LYST: variants seen among roughly 807,000 people sequenced by gnomAD.
The protein encoded by LYST is lysosomal trafficking regulator.
LYST carries 192 observed loss-of-function variants against 413.6 expected under a neutral mutation model. The ratio of observed to expected loss-of-function variants is 0.46; its 90% CI spans 0.41 to 0.52. LYST has a LOEUF of 0.52. LYST is among the 20% of genes least tolerant of loss of function. The pLI, the probability that LYST is intolerant of heterozygous loss-of-function variation, is 0.00. For synonymous variants in LYST, 1,525 were observed against 1,567.3 expected (o/e 0.97, Z 0.64); for missense variants, 3,815 against 4,499.9 (o/e 0.85, Z 4.35).
At position 235,752,073 on chromosome 1, in the gene LYST, A is replaced by C; in HGVS notation, c.7559T>G (p.Phe2520Cys). 6.2e-7 allele frequency: 1 copy of C among 1,610,918 alleles called. No individual in the cohort carries two copies. Among genetic ancestry groups the C allele is most frequent in the South Asian group, 1.1e-5 (1 of 90,990 alleles). The stretch of plus-strand genomic sequence containing the variant: ...TACAATAAGGTCTTCAATAACCCTA[A>C]AATATTGTGAGCCTGAGGAACTGCA... Reference protein sequence around the residue: ...HACSSSGSQYFRVIEDLIVML... With the variant: ...HACSSSGSQYCRVIEDLIVML... Residue 2520 changes from phenylalanine to cysteine, a missense_variant, in exon 27 of 53, where the codon TTT (phenylalanine) becomes TGT (cysteine). By Grantham distance (205) the Phe-to-Cys change is radical. This residue lies in a region of LYST where 771 missense variants were observed against 837.1 expected (regional missense o/e 0.92). Transcript: ENST00000389793.
intron 3 of LYST, 125 bp downstream of exon 3, chr1:235,830,101 T>C (rs769715344): frequency 2.8e-4 from 190 of 690,606 alleles, no homozygotes; most frequent in Non-Finnish European, 4.2e-4. Flanking sequence ...TTTTTTTTAG[T>C]GGAATAATGT....
At chr1:235,694,953 T>C (rs1660965524) in intron 46 of LYST, among the ~76,000 whole-genome samples, 1 of 152,224 alleles carries the variant, frequency 6.6e-6, no homozygotes. Context: ...AAGCTTGGAC[T>C]CAAGCCCCAG....
In LYST at chr1:235,759,615, A is replaced by G; in HGVS notation, c.6254-16T>C. On this transcript the variant is annotated splice_polypyrimidine_tract_variant and intron_variant, in intron 22 of 52. Transcript: ENST00000389793. ...GAATTCTCTCCTGGTAAGAGTAGAT[A>G]CAAAAATACTACTTAAAAATCTATT... is the stretch of plus-strand genomic sequence containing the variant. The G allele has an allele frequency of 6.3e-7, 1 of 1,596,502 alleles. No homozygotes were observed. The highest frequency in any genetic ancestry group is 8.6e-7 in the Non-Finnish European group (1 of 1,164,340).
chr1:235,768,878 A>G (rs550229349), intron 20 of LYST, among the ~76,000 whole-genome samples: 2 of 152,232 alleles, frequency 1.3e-5, no homozygotes, highest in South Asian at 4.1e-4. Context: ...GACATATTCT[A>G]TTCCCTACAA....
chr1:235,738,412 T>C (rs1572109542), intron 31 of LYST: 1 of 1,613,548 alleles, frequency 6.2e-7, no homozygotes, highest in Non-Finnish European at 8.5e-7. Context: ...TTGTTTCAAA[T>C]CCAGTGGATA....
At chr1:235,828,491 T>C (rs1675581924) in intron 3 of LYST, among the ~76,000 whole-genome samples, 1 of 152,198 alleles carries the variant, frequency 6.6e-6, no homozygotes. Context: ...TGGGATTAAA[T>C]TGGGATCTAT....
chr1:235,684,644 C>T (rs1250615118), intron 48 of LYST, among the ~76,000 whole-genome samples: 1 of 152,158 alleles, frequency 6.6e-6, no homozygotes, highest in Non-Finnish European at 1.5e-5. Context: ...TCAGTCAGGT[C>T]TCACTCTGCC....
chr1:235,741,921 T>C (rs137893490), intron 30 of LYST, among the ~76,000 whole-genome samples: 78 of 152,296 alleles, frequency 5.1e-4, no homozygotes, highest in African/African-American at 1.8e-3. Flanking sequence ...TGGAATATTA[T>C]TCATCCTTAA....
chr1:235,830,071 T>C (rs1572393179), intron 3 of LYST, 155 bp downstream of exon 3: 4 of 614,848 alleles, frequency 6.5e-6, no homozygotes, highest in Non-Finnish European at 8.6e-6. Context: ...ATAAACAATA[T>C]GGTTATAAAT....
chr1:235,778,121 A>ATATATATATATATATATATATATATTTT (rs1039912155), intron 16 of LYST, among the ~76,000 whole-genome samples: 2 of 145,260 alleles, frequency 1.4e-5, no homozygotes, highest in African/African-American at 5.3e-5. Flanking sequence ...ATATATATAT[A>ATATATATATATATATATATATATATTTT]TTTTTGTAGA....
chr1:235,796,136 T>C (rs1270393500), intron 10 of LYST, among the ~76,000 whole-genome samples: 1 of 151,946 alleles, frequency 6.6e-6, no homozygotes, highest in East Asian at 1.9e-4. Flanking sequence ...AGATAACAAT[T>C]AGAATACAAA....
chr1:235,801,217 T>G, intron 8 of LYST, 120 bp from the exon 9 acceptor site: 3 of 684,734 alleles, frequency 4.4e-6, no homozygotes, highest in Non-Finnish European at 7.8e-6. Context: ...TTACAAAACC[T>G]TTTCCAATCT....
chr1:235,793,655 T>C (rs757985092), intron 10 of LYST, 43 bp from the exon 11 acceptor site: 3 of 1,012,592 alleles, frequency 3.0e-6, no homozygotes, highest in Non-Finnish European at 4.7e-6. Context: ...TAGTACACAA[T>C]TAGAGGAATA....
At chr1:235,676,727 G>T (rs1358503682) in intron 50 of LYST, among the ~76,000 whole-genome samples, 1 of 152,118 alleles carries the variant, frequency 6.6e-6, no homozygotes, top group Non-Finnish European at 1.5e-5. Flanking sequence ...TTCTTTCACA[G>T]GAGGAAGGTA....
At chr1:235,857,440 T>C (rs1277611399) in intron 1 of LYST, among the ~76,000 whole-genome samples, 1 of 152,076 alleles carries the variant, frequency 6.6e-6, no homozygotes, top group East Asian at 1.9e-4. Context: ...TCTAGATTCA[T>C]CTCTAGATGA....
chr1:235,860,970 T>G (rs1247916135), intron 1 of LYST, among the ~76,000 whole-genome samples: 1 of 152,344 alleles, frequency 6.6e-6, no homozygotes, highest in African/African-American at 2.4e-5. Flanking sequence ...CTTTTTGGTC[T>G]GGCTTTTTTT....
At chr1:235,871,432 CTAAT>C (rs1680918784), upstream of LYST, among the ~76,000 whole-genome samples, 1 of 152,154 alleles carries the variant, frequency 6.6e-6, no homozygotes, top group Non-Finnish European at 1.5e-5. Context: ...ATGCTAATAA[CTAAT>C]TAAAGACCCA....
intron 1 of LYST, among the ~76,000 whole-genome samples, chr1:235,834,275 C>T (rs1359883221): frequency 1.3e-5 from 2 of 152,068 alleles, no homozygotes; most frequent in African/African-American, 2.4e-5. Context: ...CTTTAGTTAC[C>T]TGCTCTCCCC....
chr1:235,720,881 T>C lies in LYST; in HGVS notation c.9340A>G (p.Ile3114Val). Residue 3114 changes from isoleucine (I) to valine (V), a missense_variant, in exon 40 of 53, where the codon ATA (isoleucine) becomes GTA (valine). Coordinates refer to ENST00000389793, the MANE Select transcript of LYST (RefSeq NM_000081.4). ...AGATTAGGGAGGTTATTTGTGAGTA[T>C]ATTGTGGTATACATCATCACGAACC... is the stretch of plus-strand genomic sequence containing the variant. ...TKVRDDVYHN[I>V]LTNNLPNLLE... is the part of the protein sequence containing the mutation. The C allele has an allele frequency of 1.2e-6, 2 of 1,613,730 alleles. No individual in the cohort carries two copies. Among genetic ancestry groups the C allele is most frequent in the Non-Finnish European group, 1.7e-6 (2 of 1,179,676 alleles).
Sources: gnomAD v4.1 joint callset for allele counts (sites outside exome capture counted in the v4.1 genomes callset) on GRCh38, gnomAD v4.1.1 for gene constraint, gnomAD v4.1.1 regional missense constraint, MANE v1.5 for transcripts, NCBI Gene and HGNC (gene_info 2026-07-23, HGNC 2026-07-21) for gene names.